Variants in CGN observed in about 807,000 individuals in gnomAD.
CGN encodes the protein cingulin.
Under a neutral mutation model 157.1 loss-of-function variants are expected in CGN, and 121 were observed. That is an observed-to-expected ratio of 0.77 (90% confidence interval 0.66 to 0.90). The LOEUF is 0.90. CGN is among the 40% of genes least tolerant of loss of function. The pLI is 0.00. For missense variants in CGN, 1,424 were observed against 1,520.9 expected (o/e 0.94, Z 1.06); for synonymous variants, 535 against 607.5 (o/e 0.88, Z 1.76).
intron 5 of CGN, 71 bp from the exon 6 acceptor site, chr1:151,523,363 C>T (rs1664585560): frequency 2.1e-6 from 3 of 1,433,108 alleles, no homozygotes; most frequent in African/African-American, 2.9e-5. Context: ...GTTAGACATT[C>T]CCATTATTCT....
chr1:151,535,142 C>A lies in CGN; in HGVS notation c.2994+11C>A, dbSNP rs1260669796. 1 of 1,604,532 alleles carries A rather than the reference C, an allele frequency of 6.2e-7. No homozygotes were observed. Among genetic ancestry groups the A allele is most frequent in the East Asian group, 2.2e-5 (1 of 44,810 alleles). ...CGTGGCCGGGACCAGGTAACCGCCCCCACCCCTCATCTCTGTTTACCCCTG... is the reference window on the plus strand; with the variant it reads ...CGTGGCCGGGACCAGGTAACCGCCCACACCCCTCATCTCTGTTTACCCCTG... On this transcript the variant is annotated intron_variant, in intron 16 of 20. Transcript: ENST00000271636.
chr1:151,514,422 CTACAT>C (rs1251405479), intron 1 of CGN, among the ~76,000 whole-genome samples: 1 of 152,200 alleles, frequency 6.6e-6, no homozygotes, highest in Non-Finnish European at 1.5e-5. Context: ...AAGATCATGA[CTACAT>C]AGGGCAGCAA....
intron 1 of CGN, among the ~76,000 whole-genome samples, chr1:151,516,938 T>C (rs970584658): frequency 6.7e-6 from 1 of 149,882 alleles, no homozygotes; most frequent in African/African-American, 2.4e-5. Flanking sequence ...GGCGGGCAGA[T>C]CACCTGAGGT....
intron 1 of CGN, among the ~76,000 whole-genome samples, chr1:151,516,534 A>T (rs1664415910): frequency 8.5e-6 from 1 of 117,206 alleles, no homozygotes; most frequent in Admixed American, 1.0e-4. Flanking sequence ...GGGCCCCTTA[A>T]AGTGGCACTT....
In CGN at chr1:151,529,533, C is replaced by T. The variant is rs759007153; in HGVS notation, c.2080C>T (p.Arg694Ter). Residue 694 changes from arginine to a stop codon, truncating the protein, a stop_gained, in exon 11 of 21, where the codon CGA becomes TGA. Coordinates refer to ENST00000271636, the MANE Select transcript of CGN (RefSeq NM_020770.3). LOFTEE classifies it high-confidence loss of function. Reference sequence around the variant, plus strand: ...GCTACAAAAGACCCTCCAGCAACTGCGACAGGACTGTGAAGAGGCTTCCAA... The same window carrying T: ...GCTACAAAAGACCCTCCAGCAACTGTGACAGGACTGTGAAGAGGCTTCCAA... ...LQLQKTLQQL[R>*]QDCEEASKAK... The T allele has an allele frequency of 9.3e-6, 15 of 1,613,600 alleles. No individual in the cohort carries two copies. Among genetic ancestry groups the T allele is most frequent in the East Asian group, 6.7e-5 (3 of 44,882 alleles).
chr1:151,531,848 T>G (rs1664843117), intron 13 of CGN, among the ~76,000 whole-genome samples: 1 of 152,242 alleles, frequency 6.6e-6, no homozygotes, highest in Admixed American at 6.5e-5. Context: ...TTATCATTTG[T>G]CAATGAAAAA....
intron 16 of CGN, 35 bp downstream of exon 16, chr1:151,535,166 T>G: frequency 7.7e-7 from 1 of 1,304,478 alleles, no homozygotes; most frequent in Non-Finnish European, 1.1e-6. Context: ...TGTTTACCCC[T>G]GACTGCATCA....
At position 151,535,874 on chromosome 1, in the gene CGN, A is replaced by C. The variant is rs1479048905; in HGVS notation, c.3173A>C (p.Gln1058Pro). The change falls in exon 18 of 21, where the codon CAG becomes CCG. Residue 1058 changes from glutamine to proline, a missense_variant. Gln to Pro is a moderately conservative substitution (Grantham distance 76, BLOSUM62 -1). Around this residue, in one of 3 missense-constraint regions of CGN, gnomAD observed 199 missense variants for 272.2 expected, o/e 0.73. Coordinates refer to ENST00000271636, the MANE Select transcript of CGN (RefSeq NM_020770.3). ...SQLESQNQLL[Q>P]ERLQAEEREK... ...CTTGAGTCCCAGAATCAGTTGTTGC[A>C]GGAGCGGCTACAGGCTGAAGAGAGG... The C allele has an allele frequency of 1.9e-6, 3 of 1,613,740 alleles. No homozygotes were observed. The highest frequency in any genetic ancestry group is 2.5e-6 in the Non-Finnish European group (3 of 1,179,890).
chr1:151,527,143 G>A (rs1244454844), intron 10 of CGN, 36 bp downstream of exon 10: 5 of 1,612,214 alleles, frequency 3.1e-6, no homozygotes, highest in African/African-American at 1.3e-5. Context: ...GGTAGGTAGG[G>A]GTGATGAACA....
Position 151,536,331 on chromosome 1 carries a change from G to T in CGN, c.3292G>T (p.Asp1098Tyr). The change falls in exon 19 of 21, where the codon GAC (aspartate) becomes TAC (tyrosine). Residue 1098 changes from aspartate to tyrosine, a missense_variant. Physicochemically the swap from Asp to Tyr is radical, Grantham distance 160. Coordinates refer to ENST00000271636, the MANE Select transcript of CGN (RefSeq NM_020770.3). ...TGAAGACGAGCGGCAGCATGTCAAT[G>T]ACCAGAAAGACCAGGTGAGGACATG... is the stretch of plus-strand genomic sequence containing the variant. ...QIEDERQHVN[D>Y]QKDQLSLRVK... The T allele has an allele frequency of 1.9e-6, 3 of 1,593,878 alleles. No individual in the cohort carries two copies. In the South Asian group the frequency reaches 3.3e-5, roughly 18 times the overall value.
intron 5 of CGN, among the ~76,000 whole-genome samples, chr1:151,522,654 A>C: frequency 6.8e-6 from 1 of 146,604 alleles, no homozygotes; most frequent in South Asian, 2.2e-4. Context: ...AAAAACAAAA[A>C]ACCAGGCCGG....
intron 10 of CGN, 142 bp downstream of exon 10, chr1:151,527,249 T>C: frequency 1.2e-6 from 1 of 865,672 alleles, no homozygotes; most frequent in Non-Finnish European, 1.9e-6. Context: ...GCTTGATCTC[T>C]TTCCAGCACA....
At chr1:151,510,686 C>A (rs1318993335), upstream of CGN, 1 of 152,094 alleles carries the variant, frequency 6.6e-6, no homozygotes, top group Non-Finnish European at 1.5e-5. Context: ...CTGTTGTAGG[C>A]GTTTGGGGTG....
In CGN at chr1:151,524,305, A is replaced by G. The variant is rs372428700; in HGVS notation, c.1348A>G (p.Asn450Asp). The G allele has an allele frequency of 5.0e-6, 8 of 1,614,100 alleles. No homozygotes were observed. Among genetic ancestry groups the G allele is most frequent in the Non-Finnish European group, 5.9e-6 (7 of 1,180,048 alleles). ...GLETQVMELQ[N>D]KLKHVQGPEP... ...GGAGACCCAGGTGATGGAGCTGCAG[A>G]ACAAGCTGAAACATGTCCAGGGTCC... The change falls in exon 7 of 21, where the codon AAC becomes GAC. Residue 450 changes from asparagine (N) to aspartate (D), a missense_variant. By Grantham distance (23) the Asn-to-Asp change is conservative. Transcript: ENST00000271636. This position sits in a 1 kb window ranked among gnomAD's most constrained non-coding sequence, Gnocchi z 4.4.
At chr1:151,521,793 C>T (rs1571659259) in intron 5 of CGN, among the ~76,000 whole-genome samples, 1 of 152,088 alleles carries the variant, frequency 6.6e-6, no homozygotes, top group East Asian at 1.9e-4. Context: ...AGCTGAGATC[C>T]TGCCATTGCA....
chr1:151,532,343 C>T, intron 13 of CGN, 59 bp from the exon 14 acceptor site: 1 of 1,320,732 alleles, frequency 7.6e-7, no homozygotes, highest in Non-Finnish European at 1.0e-6. Flanking sequence ...TCTTGGGAGT[C>T]TGGGCCTGGA....
At chr1:151,530,380 A>G (rs561769003) in intron 12 of CGN, 109 bp from the exon 13 acceptor site, 183 of 1,332,808 alleles carry the variant, frequency 1.4e-4, no homozygotes, top group Non-Finnish European at 1.8e-4. Context: ...TTTTCATTGC[A>G]CATCATTTTC....
intron 10 of CGN, 69 bp downstream of exon 10, chr1:151,527,176 G>T: frequency 1.3e-6 from 2 of 1,571,238 alleles, no homozygotes; most frequent in Admixed American, 1.7e-5. Flanking sequence ...CTCCATGAGG[G>T]CCTTCTTGCT....
At position 151,518,736 on chromosome 1, in the gene CGN, A is replaced by G. The variant is rs749386763; in HGVS notation, c.217A>G (p.Lys73Glu). ...QPFVVLNSGEKGGDSFGVQIK... is the reference protein window; with the variant it reads ...QPFVVLNSGEEGGDSFGVQIK... Reference sequence around the variant, plus strand: ...CTTTGTGGTGCTCAACAGTGGGGAGAAAGGCGGTGACTCCTTTGGGGTCCA... The same window carrying G: ...CTTTGTGGTGCTCAACAGTGGGGAGGAAGGCGGTGACTCCTTTGGGGTCCA... The change falls in exon 2 of 21, where the codon AAA becomes GAA. Residue 73 changes from lysine to glutamate, a missense_variant. Lys to Glu is a moderately conservative substitution (Grantham distance 56, BLOSUM62 1). This residue lies in a region of CGN where 1,187 missense variants were observed against 1,217.6 expected (regional missense o/e 0.97). Transcript: ENST00000271636. 8.1e-6 allele frequency: 13 copies of G among 1,614,036 alleles called. No homozygotes were observed. In the Admixed American group the frequency reaches 2.2e-4, roughly 27 times the overall value.
Sources: allele counts gnomAD v4.1 joint callset (sites outside exome capture counted in the v4.1 genomes callset), GRCh38; gene constraint gnomAD v4.1.1; regional missense constraint gnomAD v4.1.1; non-coding constraint Gnocchi (gnomAD v3.1); transcripts MANE v1.5; gene names NCBI Gene and HGNC (gene_info 2026-07-23, HGNC 2026-07-21).